CSPP1: variants seen among roughly 807,000 people sequenced by gnomAD.
The protein encoded by CSPP1 is centrosome and spindle pole-associated protein 1.
In CSPP1, 126 loss-of-function variants were observed where a neutral mutation model predicts 164.4. The observed-to-expected ratio is 0.77, with a 90% CI of 0.66 to 0.89. CSPP1 has a LOEUF of 0.89. CSPP1 is among the 40% of genes least tolerant of loss of function. The pLI is 0.00. For missense variants in CSPP1, 1,395 were observed against 1,449.8 expected, an observed-to-expected ratio of 0.96 and a Z score of 0.61; for synonymous variants, 472 against 476.7, an observed-to-expected ratio of 0.99 and a Z score of 0.13.
At chr8:67,168,647 T>C (rs758784306) in intron 24 of CSPP1, among the ~76,000 whole-genome samples, 10 of 152,238 alleles carry the variant, frequency 6.6e-5, no homozygotes, top group South Asian at 2.1e-4. Context: ...TTTGGAATAA[T>C]TTTAATACAT....
chr8:67,127,189 C>T (rs749805896), intron 15 of CSPP1, among the ~76,000 whole-genome samples: 3 of 152,170 alleles, frequency 2.0e-5, no homozygotes, highest in African/African-American at 7.2e-5. Flanking sequence ...GGGATTGTTC[C>T]AAGCCTTCCA....
chr8:67,183,359 T>C (rs1833520442), intron 28 of CSPP1, among the ~76,000 whole-genome samples: 1 of 152,040 alleles, frequency 6.6e-6, no homozygotes, highest in African/African-American at 2.4e-5. Flanking sequence ...CTTCTCAGGG[T>C]CACATGGAAC....
chr8:67,144,823 C>T (rs1230824313), intron 17 of CSPP1, among the ~76,000 whole-genome samples: 1 of 151,068 alleles, frequency 6.6e-6, no homozygotes, highest in Non-Finnish European at 1.5e-5. Context: ...AATCCCAGCA[C>T]ATTGGGAGGC....
In CSPP1 at chr8:67,193,447, C is replaced by A; in HGVS notation, c.3331-17C>A. ...TTTGTGTTAATGACTTTCTGAAGTT[C>A]TGTTTTCTAACTACAGGATAGCAGT... is the stretch of plus-strand genomic sequence containing the variant. On this transcript the variant is annotated splice_polypyrimidine_tract_variant and intron_variant, in intron 29 of 30. Transcript: ENST00000678616. 1 of 1,605,438 alleles carries A rather than the reference C, an allele frequency of 6.2e-7. No individual in the cohort carries two copies. The highest frequency in any genetic ancestry group is 8.5e-7 in the Non-Finnish European group (1 of 1,173,850).
chr8:67,162,457 G>A (rs944126492), intron 22 of CSPP1, among the ~76,000 whole-genome samples: 2 of 152,176 alleles, frequency 1.3e-5, no homozygotes, highest in African/African-American at 4.8e-5. Context: ...TGTTCCATAG[G>A]CTGGTAGATT....
chr8:67,185,309 G>A (rs1389536253), intron 28 of CSPP1, among the ~76,000 whole-genome samples: 4 of 152,152 alleles, frequency 2.6e-5, no homozygotes, highest in Non-Finnish European at 5.9e-5. Flanking sequence ...TTTCGGTTGT[G>A]AACTAAAGGC....
At chr8:67,113,197 A>G (rs1817227677) in intron 10 of CSPP1, among the ~76,000 whole-genome samples, 1 of 152,206 alleles carries the variant, frequency 6.6e-6, no homozygotes, top group Admixed American at 6.5e-5. Context: ...GTGAGCTGAG[A>G]TAACGCCAGT....
In CSPP1 at chr8:67,195,682, C is replaced by A; in HGVS notation, c.*89C>A. On this transcript the variant is annotated 3_prime_UTR_variant, in exon 31 of 31. Coordinates refer to ENST00000678616, the MANE Select transcript of CSPP1 (RefSeq NM_001382391.1). ...TAATATGTCCTACTTTTGGCCCCTA[C>A]CTGAAAGTTACTTTTTTTCCATCAT... 2.8e-6 allele frequency: 3 copies of A among 1,063,156 alleles called. No homozygotes were observed. Among genetic ancestry groups the A allele is most frequent in the African/African-American group, 3.2e-5 (2 of 62,224 alleles). The allele number at this position is 1,063,156 out of a possible 1,614,324, so 65.9% of individuals were successfully genotyped here.
chr8:67,186,066 A>T (rs1353710844), intron 28 of CSPP1, among the ~76,000 whole-genome samples: 1 of 152,222 alleles, frequency 6.6e-6, no homozygotes, highest in Admixed American at 6.5e-5. Flanking sequence ...ATTGATCAGG[A>T]GGCTATTCAA....
intron 28 of CSPP1, among the ~76,000 whole-genome samples, chr8:67,185,844 A>G (rs1834429270): frequency 6.6e-6 from 1 of 152,230 alleles, no homozygotes; most frequent in Non-Finnish European, 1.5e-5. Flanking sequence ...TCAAATCAGA[A>G]TGGAAAAGAC....
chr8:67,150,714 A>G (rs1419837299), intron 18 of CSPP1, among the ~76,000 whole-genome samples: 1 of 151,990 alleles, frequency 6.6e-6, no homozygotes, highest in African/African-American at 2.4e-5. Flanking sequence ...CCTCTTAACT[A>G]CTTATCTTTG....
chr8:67,159,924 C>CTTCCTTT (rs1420951665), intron 21 of CSPP1, among the ~76,000 whole-genome samples: 4 of 45,570 alleles, frequency 8.8e-5, no homozygotes, highest in Admixed American at 2.5e-4. Context: ...TTCTTTCTTT[C>CTTCCTTT]CTTTCCTTCC....
intron 16 of CSPP1, chr8:67,135,265 C>T (rs1447538820): frequency 6.6e-6 from 1 of 152,204 alleles, no homozygotes; most frequent in Non-Finnish European, 1.5e-5. Context: ...CCACCTCAGC[C>T]TCCCGAGTAG....
chr8:67,137,538 C>T lies in CSPP1; in HGVS notation c.1910C>T (p.Thr637Ile), dbSNP rs1404097408. ...YEAKLEAEMRTYNPWGKGGGG... is the reference protein window; with the variant it reads ...YEAKLEAEMRIYNPWGKGGGG... ...GCTAAATTAGAAGCTGAAATGAGAA[C>T]ATATAATCCCTGGGGAAAAGGTGGA... Residue 637 changes from threonine (T) to isoleucine (I), a missense_variant, in exon 17 of 31, where the codon ACA (threonine) becomes ATA (isoleucine). Physicochemically the swap from Thr to Ile is moderately conservative, Grantham distance 89 (BLOSUM62 -1). Transcript: ENST00000678616. 1.9e-6 allele frequency: 3 copies of T among 1,595,058 alleles called. No individual in the cohort carries two copies. The highest frequency in any genetic ancestry group is 2.7e-5 in the African/African-American group (2 of 73,990).
At chr8:67,124,877 C>T (rs372314934) in intron 15 of CSPP1, among the ~76,000 whole-genome samples, 1 of 152,000 alleles carries the variant, frequency 6.6e-6, no homozygotes, top group African/African-American at 2.4e-5. Flanking sequence ...ACAGGCGTCT[C>T]TCTGTGTATC....
intron 30 of CSPP1, among the ~76,000 whole-genome samples, chr8:67,194,378 A>G (rs764812495): frequency 3.9e-5 from 6 of 152,186 alleles, no homozygotes; most frequent in Middle Eastern, 3.2e-3. Context: ...CTCATATACT[A>G]TCTATCTAGC....
intron 17 of CSPP1, among the ~76,000 whole-genome samples, chr8:67,139,566 C>T (rs920069524): frequency 6.6e-6 from 1 of 152,150 alleles, no homozygotes; most frequent in African/African-American, 2.4e-5. Flanking sequence ...CAGCACTGTT[C>T]ACAATAGCAA....
intron 6 of CSPP1, among the ~76,000 whole-genome samples, chr8:67,094,969 G>A (rs1250925960): frequency 1.3e-5 from 2 of 152,160 alleles, no homozygotes; most frequent in African/African-American, 4.8e-5. Flanking sequence ...CACTCGGTAT[G>A]ATTATTTTGA....
chr8:67,131,024 T>G (rs1586364659), intron 15 of CSPP1, among the ~76,000 whole-genome samples: 1 of 151,994 alleles, frequency 6.6e-6, no homozygotes, highest in Non-Finnish European at 1.5e-5. Context: ...AAAATCAGTA[T>G]TTGAATTTAT....
Sources: gnomAD v4.1 joint callset for allele counts (sites outside exome capture counted in the v4.1 genomes callset) on GRCh38, gnomAD v4.1.1 for gene constraint, MANE v1.5 for transcripts, NCBI Gene and HGNC (gene_info 2026-07-23, HGNC 2026-07-21) for gene names.